The following CELF2 variants were observed in gnomAD, a reference collection of about 807,000 sequenced individuals.
The protein encoded by CELF2 is CUG triplet repeat RNA-binding protein 2.
In CELF2, 8 loss-of-function variants were observed where a neutral mutation model predicts 62.6. The ratio of observed to expected loss-of-function variants is 0.13; its 90% CI spans 0.07 to 0.23. The LOEUF is 0.23. Ranked by LOEUF, CELF2 falls within the 10% of genes least tolerant of loss-of-function variation. The pLI is 1.00. For missense variants in CELF2, 333 were observed against 671.0 expected (o/e 0.50, Z 5.56); for synonymous variants, 258 against 250.0 (o/e 1.03, Z -0.30).
At chr10:10,716,124 ATG>A in the CELF2 span, among the ~76,000 whole-genome samples, 1 of 152,258 alleles carries the variant, frequency 6.6e-6, no homozygotes, top group Non-Finnish European at 1.5e-5. Flanking sequence ...ATAGTCATCC[ATG>A]TAAATCCTGA....
chr10:11,273,977 C>T (rs948594748), intron 7 of CELF2, among the ~76,000 whole-genome samples: 18 of 146,092 alleles, frequency 1.2e-4, no homozygotes, highest in African/African-American at 4.7e-4. Flanking sequence ...CACCCCCCCC[C>T]CCCACCTTGG....
At chr10:11,086,594 A>AAAC (rs2046834222) in intron 1 of CELF2, among the ~76,000 whole-genome samples, 1 of 147,608 alleles carries the variant, frequency 6.8e-6, no homozygotes, top group Non-Finnish European at 1.5e-5. Flanking sequence ...AAAAAAAAAA[A>AAAC]AAAAAAAAAA....
rs551918270 is a variant in CELF2, at chr10:11,113,823, G to T, written c.75-51663G>T. 3.9e-5 allele frequency among the ~76,000 whole-genome samples: 6 copies of T among 152,196 alleles called. No individual in the cohort carries two copies. The East Asian group carries it at 1.2e-3, about 29-fold the overall frequency. ...CTAGGAACACAAGAAACAAAAGCAA[G>T]GTTCTTGATTTGACAGGTGTCATTT... On this transcript the variant is annotated intron_variant, in intron 1 of 12. Transcript: ENST00000633077.
the CELF2 span, among the ~76,000 whole-genome samples, chr10:10,649,003 A>G: frequency 3.9e-5 from 6 of 152,120 alleles, no homozygotes; most frequent in Non-Finnish European, 8.8e-5. Flanking sequence ...CTTATGGTAT[A>G]TTGTAACTTT....
At chr10:10,617,709 AGG>A in the CELF2 span, among the ~76,000 whole-genome samples, 3 of 151,396 alleles carry the variant, frequency 2.0e-5, no homozygotes, top group Non-Finnish European at 4.4e-5. Context: ...GGCTTTGTAA[AGG>A]GGGGGGAAAT....
chr10:11,119,495 A>G lies in CELF2; in HGVS notation c.75-45991A>G, dbSNP rs78756151. 8.0e-3 allele frequency among the ~76,000 whole-genome samples: 1,222 copies of G among 152,354 alleles called. 19 individuals are homozygous for G. The highest frequency in any genetic ancestry group is 0.027 in the African/African-American group (1,139 of 41,570). On this transcript the variant is annotated intron_variant, in intron 1 of 12. Coordinates refer to ENST00000633077, the MANE Select transcript of CELF2 (RefSeq NM_001326342.2). ...AATCAGATTTATGGTTTTCTCTAGC[A>G]TAGGCTTACCCATTAATAACTTATT... is the stretch of plus-strand genomic sequence containing the variant.
At position 11,319,752 on chromosome 10, in the gene CELF2, A is replaced by C; in HGVS notation, c.1097-1437A>C. On this transcript the variant is annotated intron_variant, in intron 10 of 12. Transcript: ENST00000633077. This position sits in a 1 kb window ranked among gnomAD's most constrained non-coding sequence, Gnocchi z 4.4. The stretch of plus-strand genomic sequence containing the variant: ...GGAATACCCGAGGTGAGGCACAATG[A>C]CAGTCCTCCACTGTTAAGCTATAGC... 1 of 470,958 alleles carries C rather than the reference A, an allele frequency of 2.1e-6. No homozygotes were observed. The highest frequency in any genetic ancestry group is 2.0e-5 in the African/African-American group (1 of 50,132). The allele number at this position is 470,958 out of a possible 1,614,324, so 29.2% of individuals were successfully genotyped here.
At chr10:10,873,302 G>A (rs563980753) in intron 1 of CELF2, among the ~76,000 whole-genome samples, 36 of 152,246 alleles carry the variant, frequency 2.4e-4, no homozygotes, top group Non-Finnish European at 4.0e-4. Flanking sequence ...TTTGTAATAC[G>A]AGCCGTACCT....
chr10:10,822,222 A>AC (rs1449269641), intron 1 of CELF2, among the ~76,000 whole-genome samples: 9 of 152,292 alleles, frequency 5.9e-5, no homozygotes, highest in Admixed American at 1.3e-4. Context: ...CTGGAAGGGG[A>AC]CCGGCCTACA....
At chr10:10,748,747 CAAAAAAAAAAAAAA>C in the CELF2 span, among the ~76,000 whole-genome samples, 285 of 37,002 alleles carry the variant, frequency 7.7e-3, no homozygotes, top group Admixed American at 0.014. Flanking sequence ...GACTCTGTCT[CAAAAAAAAAAAAAA>C]AAAAAAAAAA....
chr10:11,196,527 C>G (rs1377536896), intron 2 of CELF2, among the ~76,000 whole-genome samples: 1 of 151,986 alleles, frequency 6.6e-6, no homozygotes, highest in South Asian at 2.1e-4. Context: ...ATTAGCCAGG[C>G]ATGATTGTTC....
At chr10:10,501,140 A>T in the CELF2 span, among the ~76,000 whole-genome samples, 1 of 152,192 alleles carries the variant, frequency 6.6e-6, no homozygotes, top group Non-Finnish European at 1.5e-5. Context: ...GCAGTTGCTG[A>T]GTCACAGGGT....
chr10:10,661,989 A>T, the CELF2 span, among the ~76,000 whole-genome samples: 7 of 152,078 alleles, frequency 4.6e-5, no homozygotes, highest in Admixed American at 4.6e-4. Flanking sequence ...TGCAAGTAGA[A>T]GTAGCCTCCC....
the CELF2 span, among the ~76,000 whole-genome samples, chr10:10,642,510 T>C: frequency 1.3e-5 from 2 of 152,252 alleles, no homozygotes; most frequent in African/African-American, 2.4e-5. Context: ...AAAATGTTTA[T>C]TGAAATGCAA....
At chr10:10,627,212 C>T in the CELF2 span, among the ~76,000 whole-genome samples, 1 of 152,180 alleles carries the variant, frequency 6.6e-6, no homozygotes. Context: ...ATCTCAGACC[C>T]TCAAACTTCC....
At chr10:10,545,419 C>A in the CELF2 span, among the ~76,000 whole-genome samples, 1 of 152,034 alleles carries the variant, frequency 6.6e-6, no homozygotes, top group Admixed American at 6.6e-5. Context: ...CAAAAGAAAC[C>A]CAAACAAGGC....
At chr10:10,664,065 C>CA in the CELF2 span, among the ~76,000 whole-genome samples, 3 of 152,048 alleles carry the variant, frequency 2.0e-5, no homozygotes, top group Non-Finnish European at 2.9e-5. Context: ...TCCTCAGAGT[C>CA]AAAAAACTAT....
chr10:10,647,873 A>C, the CELF2 span, among the ~76,000 whole-genome samples: 3 of 152,216 alleles, frequency 2.0e-5, no homozygotes, highest in Non-Finnish European at 4.4e-5. Context: ...TTTGCCATTT[A>C]ACTGAATCCT....
the CELF2 span, among the ~76,000 whole-genome samples, chr10:10,546,527 T>G: frequency 6.6e-6 from 1 of 152,200 alleles, no homozygotes; most frequent in African/African-American, 2.4e-5. Context: ...ATAAGTAAAC[T>G]GGCTGTAACT....
Sources: gnomAD v4.1 joint callset for allele counts (sites outside exome capture counted in the v4.1 genomes callset) on GRCh38, gnomAD v4.1.1 for gene constraint, Gnocchi (gnomAD v3.1) non-coding constraint, MANE v1.5 for transcripts, NCBI Gene and HGNC (gene_info 2026-07-23, HGNC 2026-07-21) for gene names.